CHD1: variants seen among roughly 807,000 people sequenced by gnomAD.
CHD1 encodes the protein ATP-dependent chromatin remodeler CHD1.
CHD1 carries 36 observed loss-of-function variants against 224.2 expected under a neutral mutation model. That is an observed-to-expected ratio of 0.16 (90% CI 0.12 to 0.21). CHD1 has a LOEUF of 0.21. Among genes scored for constraint, CHD1 ranks in the 10% least tolerant of loss-of-function variants. The pLI, the probability that CHD1 is intolerant of heterozygous loss-of-function variation, is 1.00. For missense variants in CHD1, 1,378 were observed against 1,994.8 expected (o/e 0.69, Z 5.89); for synonymous variants, 668 against 658.3 (o/e 1.01, Z -0.23).
chr5:98,861,866 TTTC>T lies in CHD1; in HGVS notation c.4427+1539_4427+1541del, dbSNP rs368171923. Among the ~76,000 whole-genome samples, 22 of 152,116 alleles carry T rather than the reference TTTC, an allele frequency of 1.4e-4. No individual in the cohort carries two copies. The East Asian group carries it at 2.7e-3, about 19-fold the overall frequency. ...TAGGTCTTAATATAAGGTACTTTTT[TTTC>T]TTGTTTCTGCATTAAAAATAAAAAA... On this transcript the variant is annotated intron_variant, in intron 32 of 35. Coordinates refer to ENST00000614616, the MANE Select transcript of CHD1 (RefSeq NM_001270.4).
chr5:98,912,375 A>G (rs1183267940), intron 2 of CHD1, among the ~76,000 whole-genome samples: 1 of 152,226 alleles, frequency 6.6e-6, no homozygotes, highest in Non-Finnish European at 1.5e-5. Context: ...AACATTAAAG[A>G]AGGCAAATGT....
chr5:98,910,655 AGAATG>A (rs1752329655), intron 2 of CHD1, among the ~76,000 whole-genome samples: 2 of 152,130 alleles, frequency 1.3e-5, no homozygotes, highest in Non-Finnish European at 2.9e-5. Context: ...ATTACGAATA[AGAATG>A]TTTATATTCC....
At position 98,926,318 on chromosome 5, in the gene CHD1, C is replaced by G; in HGVS notation, c.53+16G>C. The G allele has an allele frequency of 6.8e-7, 1 of 1,463,790 alleles. No individual in the cohort carries two copies. The highest frequency in any genetic ancestry group is 9.3e-7 in the Non-Finnish European group (1 of 1,080,040). 90.7% of individuals were successfully genotyped at this position (1,463,790 alleles called of 1,614,324 possible). On this transcript the variant is annotated intron_variant, in intron 2 of 35. Transcript: ENST00000614616. Reference sequence around the variant, plus strand: ...TCTCTTCATAGTAAACAATTGATAACAAAGTGCTTACTTACCTTGATTCTC... The same window carrying G: ...TCTCTTCATAGTAAACAATTGATAAGAAAGTGCTTACTTACCTTGATTCTC...
intron 26 of CHD1, among the ~76,000 whole-genome samples, chr5:98,872,860 C>T (rs543773614): frequency 7.1e-4 from 108 of 152,286 alleles, no homozygotes; most frequent in Non-Finnish European, 1.2e-3. Flanking sequence ...TTCACTCTGT[C>T]GCCCAGGCTG....
intron 13 of CHD1, 146 bp from the exon 14 acceptor site, chr5:98,893,752 G>T: frequency 1.7e-6 from 1 of 583,274 alleles, no homozygotes; most frequent in Non-Finnish European, 3.0e-6. Flanking sequence ...GTAATCTCAA[G>T]ATTACAATAC....
chr5:98,883,923 C>A (rs1750432591), intron 18 of CHD1: 1 of 113,146 alleles, frequency 8.8e-6, no homozygotes, highest in Non-Finnish European at 1.5e-5. Flanking sequence ...CTCACTGCAA[C>A]CTCCACCTCC....
chr5:98,925,365 G>A (rs1212626423), intron 2 of CHD1, among the ~76,000 whole-genome samples: 1 of 152,070 alleles, frequency 6.6e-6, no homozygotes, highest in Non-Finnish European at 1.5e-5. Flanking sequence ...TCAAAGTGCT[G>A]GGATTACAAA....
rs1751666878 is a variant in CHD1, at chr5:98,901,008, T to A, written c.662A>T (p.Asp221Val). 1.2e-6 allele frequency: 2 copies of A among 1,613,904 alleles called. No individual in the cohort carries two copies. Among genetic ancestry groups the A allele is most frequent in the Non-Finnish European group, 1.7e-6 (2 of 1,179,868 alleles). Residue 221 changes from aspartate to valine, a missense_variant, in exon 7 of 36, where the codon GAT (aspartate) becomes GTT (valine). Coordinates refer to ENST00000614616, the MANE Select transcript of CHD1 (RefSeq NM_001270.4). ...RQIDSSEEDD[D>V]EEDYDNDKRS... ...TTTATCATTATCATAATCTTCTTCATCATCATCCTCCTCAGATGAATCAAT... is the reference window on the plus strand; with the variant it reads ...TTTATCATTATCATAATCTTCTTCAACATCATCCTCCTCAGATGAATCAAT...
chr5:98,905,264 C>G (rs1045507994), intron 2 of CHD1, among the ~76,000 whole-genome samples, 166 bp from the exon 3 acceptor site: 6 of 152,172 alleles, frequency 3.9e-5, no homozygotes, highest in East Asian at 3.8e-4. Flanking sequence ...ATAGTAACAA[C>G]TGCCATAGTT....
chr5:98,871,505 A>G (rs1468015485), intron 28 of CHD1, among the ~76,000 whole-genome samples: 1 of 152,040 alleles, frequency 6.6e-6, no homozygotes, highest in Non-Finnish European at 1.5e-5. Context: ...TACTGGAATA[A>G]TAAAATTAAT....
intron 2 of CHD1, among the ~76,000 whole-genome samples, chr5:98,917,866 A>G (rs909287591): frequency 5.9e-5 from 9 of 152,198 alleles, no homozygotes; most frequent in Non-Finnish European, 1.2e-4. Flanking sequence ...GATACATAAT[A>G]TATTTTCAAT....
intron 5 of CHD1, among the ~76,000 whole-genome samples, chr5:98,902,696 G>C (rs2112535174): frequency 6.6e-6 from 1 of 152,080 alleles, no homozygotes; most frequent in Admixed American, 6.5e-5. Context: ...TAAAGAAATG[G>C]CATAATACCC....
In CHD1 at chr5:98,905,783, T is replaced by C. The variant is rs567498396; in HGVS notation, c.54-685A>G. ...TGTATACACACACATAAAAAAGCAATTGACATTTCATAAACTATCCTTTTT... is the reference window on the plus strand; with the variant it reads ...TGTATACACACACATAAAAAAGCAACTGACATTTCATAAACTATCCTTTTT... On this transcript the variant is annotated intron_variant, in intron 2 of 35. Transcript: ENST00000614616. 2.6e-5 allele frequency among the ~76,000 whole-genome samples: 4 copies of C among 152,266 alleles called. No individual in the cohort carries two copies. The East Asian group carries it at 5.8e-4, about 22-fold the overall frequency.
In CHD1 at chr5:98,859,441, A is replaced by G. The variant is rs953926378; in HGVS notation, c.4525-426T>C. ...GCTCGGGGATTCGATTTGGAAGCCC[A>G]TATTACACTTAGTTGTCACGTCTTC... On this transcript the variant is annotated intron_variant, in intron 33 of 35. Coordinates refer to ENST00000614616, the MANE Select transcript of CHD1 (RefSeq NM_001270.4). 3.3e-5 allele frequency among the ~76,000 whole-genome samples: 5 copies of G among 152,124 alleles called. No homozygotes were observed. In the East Asian group the frequency reaches 7.7e-4, roughly 23 times the overall value.
intron 31 of CHD1, among the ~76,000 whole-genome samples, chr5:98,865,001 T>C (rs182133964): frequency 2.1e-4 from 32 of 152,184 alleles, no homozygotes; most frequent in African/African-American, 7.5e-4. Context: ...GACTCTAGTA[T>C]AAGAGAGCCA....
chr5:98,913,375 G>A (rs900699067), intron 2 of CHD1, among the ~76,000 whole-genome samples: 15 of 152,198 alleles, frequency 9.9e-5, no homozygotes, highest in African/African-American at 1.9e-4. Flanking sequence ...TCGGGAGGCT[G>A]AGGGAGGAGG....
intron 2 of CHD1, among the ~76,000 whole-genome samples, chr5:98,917,834 AAC>A (rs1752838253): frequency 6.6e-6 from 1 of 152,158 alleles, no homozygotes; most frequent in Non-Finnish European, 1.5e-5. Flanking sequence ...CTTCTGACTC[AAC>A]AGTCACCTCA....
At chr5:98,928,449 C>A in intron 1 of CHD1, 90 bp downstream of exon 1, 1 of 153,720 alleles carries the variant, frequency 6.5e-6, no homozygotes, top group South Asian at 2.0e-4. Context: ...GCTGGGCCGC[C>A]GCCTGGGCAC....
chr5:98,886,285 T>C (rs1750644808), intron 17 of CHD1: 1 of 152,238 alleles, frequency 6.6e-6, no homozygotes, highest in South Asian at 2.1e-4. Flanking sequence ...ATTCACTTGG[T>C]ATCTTGAGCA....
Sources: gnomAD v4.1 joint callset for allele counts (sites outside exome capture counted in the v4.1 genomes callset) on GRCh38, gnomAD v4.1.1 for gene constraint, MANE v1.5 for transcripts, NCBI Gene and HGNC (gene_info 2026-07-23, HGNC 2026-07-21) for gene names.